SLC2A14: variants seen among roughly 807,000 people sequenced by gnomAD.
SLC2A14 encodes the protein solute carrier family 2, facilitated glucose transporter member 14.
SLC2A14 carries 13 observed loss-of-function variants against 43.0 expected under a neutral mutation model. The ratio of observed to expected loss-of-function variants is 0.30; its 90% CI spans 0.20 to 0.48. The LOEUF is 0.48. Among genes scored for constraint, SLC2A14 ranks in the 20% least tolerant of loss-of-function variants. The probability of loss-of-function intolerance (pLI) is 0.99; values close to 1 mark genes in which losing one functional copy is unlikely to be tolerated. For synonymous variants in SLC2A14, 190 were observed against 233.8 expected (o/e 0.81, Z 1.71); for missense variants, 428 against 620.4 (o/e 0.69, Z 3.29).
chr12:7,827,469 G>A (rs371457261), intron 7 of SLC2A14, 26 bp downstream of exon 7: 9 of 1,608,366 alleles, frequency 5.6e-6, no homozygotes, highest in South Asian at 2.2e-5. Flanking sequence ...TGTAAGACAC[G>A]TTTGACCCTA....
intron 2 of SLC2A14, among the ~76,000 whole-genome samples, chr12:7,843,239 C>G (rs1012312029): frequency 6.6e-6 from 1 of 150,616 alleles, no homozygotes; most frequent in East Asian, 2.0e-4. Context: ...GTGAATGAAG[C>G]GCATTAGACT....
chr12:7,881,840 T>C (rs1316117191), intron 1 of SLC2A14, among the ~76,000 whole-genome samples: 1 of 152,154 alleles, frequency 6.6e-6, no homozygotes, highest in Non-Finnish European at 1.5e-5. Flanking sequence ...AACACACCAA[T>C]CAGCACCCTG....
At chr12:7,861,968 A>AAC (rs71038791) in intron 2 of SLC2A14, among the ~76,000 whole-genome samples, 1 of 147,686 alleles carries the variant, frequency 6.8e-6, no homozygotes, top group Admixed American at 6.8e-5. Context: ...TTTCAAAAAA[A>AAC]AAAAAACAAA....
intron 7 of SLC2A14, among the ~76,000 whole-genome samples, chr12:7,826,819 TTC>T (rs756005107): frequency 1.9e-5 from 1 of 53,752 alleles, no homozygotes; most frequent in Non-Finnish European, 3.8e-5. Context: ...TCGCTCTTTT[TTC>T]TTTCTTTCTT....
intron 2 of SLC2A14, among the ~76,000 whole-genome samples, chr12:7,852,209 G>T (rs761492881): frequency 1.2e-4 from 18 of 152,176 alleles, no homozygotes; most frequent in African/African-American, 4.1e-4. Flanking sequence ...GAAACAGAAG[G>T]CCAGAAAGGA....
intron 2 of SLC2A14, among the ~76,000 whole-genome samples, chr12:7,857,120 CG>C (rs1944294131): frequency 6.6e-6 from 1 of 151,814 alleles, no homozygotes; most frequent in Admixed American, 6.6e-5. Flanking sequence ...TGTGGTGGCA[CG>C]TGCCTGTAGT....
intron 2 of SLC2A14, among the ~76,000 whole-genome samples, chr12:7,850,996 G>A (rs1866893495): frequency 6.6e-6 from 1 of 152,062 alleles, no homozygotes; most frequent in Non-Finnish European, 1.5e-5. Context: ...CCTCAACCCT[G>A]AACCCCAATT....
At chr12:7,829,527 C>T (rs763553821) in intron 5 of SLC2A14, among the ~76,000 whole-genome samples, 1 of 150,466 alleles carries the variant, frequency 6.6e-6, no homozygotes, top group African/African-American at 2.5e-5. Flanking sequence ...TGCACTCCAG[C>T]CTGGGTGACA....
chr12:7,836,280 G>A lies in SLC2A14; in HGVS notation c.19-3466C>T, dbSNP rs757352115. Among the ~76,000 whole-genome samples, 29 of 151,612 alleles carry A rather than the reference G, an allele frequency of 1.9e-4. 1 individual carries two copies. The South Asian group carries it at 6.0e-3, about 31-fold the overall frequency. ...TGGTCACCCAGGCTGGTGTGCAGTGGCATGATCTCAGCTCACTGCAACCTC... is the reference window on the plus strand; with the variant it reads ...TGGTCACCCAGGCTGGTGTGCAGTGACATGATCTCAGCTCACTGCAACCTC... On this transcript the variant is annotated intron_variant, in intron 2 of 10. Coordinates refer to ENST00000431042, the MANE Select transcript of SLC2A14 (RefSeq NM_001286234.2).
upstream of SLC2A14, among the ~76,000 whole-genome samples, chr12:7,875,421 T>G (rs950173855): frequency 6.7e-6 from 1 of 150,298 alleles, no homozygotes; most frequent in Non-Finnish European, 1.5e-5. Flanking sequence ...GGCCTGAAAA[T>G]TGCATGAATC....
intron 2 of SLC2A14, among the ~76,000 whole-genome samples, chr12:7,867,324 GGGA>G (rs1592302556): frequency 6.6e-6 from 1 of 151,404 alleles, no homozygotes; most frequent in Non-Finnish European, 1.5e-5. Flanking sequence ...CGTGATTCAT[GGGA>G]GGAGGTCAAA....
At chr12:7,881,212 T>A (rs956208845) in intron 1 of SLC2A14, among the ~76,000 whole-genome samples, 1 of 152,066 alleles carries the variant, frequency 6.6e-6, no homozygotes, top group South Asian at 2.1e-4. Context: ...CCTGCTGCAC[T>A]ATGGGAGCCC....
intron 2 of SLC2A14, among the ~76,000 whole-genome samples, chr12:7,837,995 T>C (rs1013040839): frequency 6.6e-6 from 1 of 152,062 alleles, no homozygotes; most frequent in Non-Finnish European, 1.5e-5. Flanking sequence ...TGACCTCAGA[T>C]GATCCACCCA....
chr12:7,839,238 G>T (rs997223434), intron 2 of SLC2A14, among the ~76,000 whole-genome samples: 14 of 142,516 alleles, frequency 9.8e-5, no homozygotes, highest in Non-Finnish European at 1.8e-4. Flanking sequence ...GAGTGGTTAG[G>T]GTTCCTCTCT....
At chr12:7,869,733 T>C (rs118181518) in intron 2 of SLC2A14, 130 bp downstream of exon 2, 29,244 of 567,984 alleles carry the variant, frequency 0.051, 1,000 homozygotes, top group Middle Eastern at 0.086. Flanking sequence ...TGTAACAGTC[T>C]CTCCCACCAC....
chr12:7,845,723 G>C (rs369951353), intron 2 of SLC2A14, among the ~76,000 whole-genome samples: 3 of 140,426 alleles, frequency 2.1e-5, no homozygotes, highest in African/African-American at 7.9e-5. Context: ...AGCTTGCAGT[G>C]AGCTGAGATC....
intron 2 of SLC2A14, among the ~76,000 whole-genome samples, chr12:7,846,280 C>T (rs1866458803): frequency 6.6e-6 from 1 of 151,854 alleles, no homozygotes; most frequent in South Asian, 2.1e-4. Flanking sequence ...GAAAACTGAT[C>T]TAACCAATTT....
intron 10 of SLC2A14, 56 bp downstream of exon 10, chr12:7,817,775 G>C (rs1356001629): frequency 3.2e-6 from 5 of 1,583,628 alleles, no homozygotes; most frequent in Non-Finnish European, 4.3e-6. Flanking sequence ...TAGATAGATA[G>C]ATAGACAGAT....
chr12:7,822,754 C>T (rs1414839603), intron 7 of SLC2A14, among the ~76,000 whole-genome samples: 1 of 152,032 alleles, frequency 6.6e-6, no homozygotes, highest in African/African-American at 2.4e-5. Flanking sequence ...GTTGCCCAGG[C>T]TGGTCCTAAA....
Sources: gnomAD v4.1 joint callset for allele counts (sites outside exome capture counted in the v4.1 genomes callset) on GRCh38, gnomAD v4.1.1 for gene constraint, MANE v1.5 for transcripts, NCBI Gene and HGNC (gene_info 2026-07-23, HGNC 2026-07-21) for gene names.